Variants in USP45 observed in about 807,000 individuals in gnomAD.
USP45 encodes ubiquitin carboxyl-terminal hydrolase 45.
A neutral mutation model predicts 95.8 loss-of-function variants in USP45; 89 were observed. The observed-to-expected ratio is 0.93, with a 90% CI of 0.78 to 1.11. USP45 has a LOEUF of 1.11. Ranked by LOEUF, USP45 falls within the 50% of genes least tolerant of loss-of-function variation. The pLI is 0.00. For missense variants in USP45, 898 were observed against 942.5 expected, an observed-to-expected ratio of 0.95 and a Z score of 0.62; for synonymous variants, 281 against 316.2, an observed-to-expected ratio of 0.89 and a Z score of 1.18.
At chr6:99,482,022 C>T (rs1370652914) in intron 8 of USP45, among the ~76,000 whole-genome samples, 3 of 152,150 alleles carry the variant, frequency 2.0e-5, no homozygotes, top group Non-Finnish European at 2.9e-5. Context: ...GCATTCATTA[C>T]TAGTTTTAAT....
intron 7 of USP45, among the ~76,000 whole-genome samples, chr6:99,484,721 G>GC (rs1318332557): frequency 1.3e-5 from 2 of 150,998 alleles, no homozygotes; most frequent in Non-Finnish European, 2.9e-5. Flanking sequence ...GATCCCTTAA[G>GC]CCCAGGCTGC....
intron 14 of USP45, among the ~76,000 whole-genome samples, chr6:99,444,602 C>G (rs570668077): frequency 7.9e-5 from 12 of 152,142 alleles, no homozygotes; most frequent in Non-Finnish European, 1.5e-4. Flanking sequence ...CTCTGGGACA[C>G]TATCCACTTG....
At chr6:99,491,647 C>G (rs978906346) in intron 5 of USP45, among the ~76,000 whole-genome samples, 5 of 152,134 alleles carry the variant, frequency 3.3e-5, no homozygotes, top group Non-Finnish European at 7.3e-5. Flanking sequence ...CACCTAAATT[C>G]TCTTCAGTGA....
At chr6:99,461,102 G>C in intron 13 of USP45, 1 of 984,406 alleles carries the variant, frequency 1.0e-6, no homozygotes, top group Non-Finnish European at 1.2e-6. Context: ...AAGGTTTTAT[G>C]AAATAAAAAA....
chr6:99,473,664 A>AC (rs1790023796), intron 9 of USP45, among the ~76,000 whole-genome samples: 1 of 152,018 alleles, frequency 6.6e-6, no homozygotes, highest in African/African-American at 2.4e-5. Context: ...CTGAGGCAGG[A>AC]GAATCACTTG....
chr6:99,468,555 T>C lies in USP45; in HGVS notation c.997A>G (p.Thr333Ala). Residue 333 changes from threonine (T) to alanine (A), a missense_variant, in exon 10 of 18, where the codon ACT becomes GCT. Thr to Ala is a moderately conservative substitution (Grantham distance 58). Transcript: ENST00000500704. Reference sequence around the variant, plus strand: ...AACATACCTTTGACTTTTTTTCTAGTTTCATCATCAGCAGTTTTAGTAGTT... The same window carrying C: ...AACATACCTTTGACTTTTTTTCTAGCTTCATCATCAGCAGTTTTAGTAGTT... The part of the protein sequence containing the change: ...NPTTKTADDE[T>A]RKKVKAYGKE... 2 of 1,606,916 alleles carry C rather than the reference T, an allele frequency of 1.2e-6. No individual in the cohort carries two copies. Among genetic ancestry groups the C allele is most frequent in the Non-Finnish European group, 1.7e-6 (2 of 1,175,604 alleles).
In USP45 at chr6:99,446,159, G is replaced by A. The variant is rs111747277; in HGVS notation, c.1613C>T (p.Ser538Leu). The change falls in exon 14 of 18, where the codon TCA (serine) becomes TTA (leucine). Residue 538 changes from serine to leucine, a missense_variant. Physicochemically the swap from Ser to Leu is moderately radical, Grantham distance 145. Transcript: ENST00000500704. ...CTTGGTGTACAGCAGTTTACCTGCT[G>A]ACAGAGGGTAAAGGGGTCCATCTGG... is the stretch of plus-strand genomic sequence containing the variant. The part of the protein sequence containing the change: ...VQPDGPLYPL[S>L]AGKLLYTKET... The A allele has an allele frequency of 2.2e-5, 36 of 1,614,050 alleles. No homozygotes were observed. The Admixed American group carries it at 3.7e-4, about 16-fold the overall frequency.
intron 1 of USP45, among the ~76,000 whole-genome samples, chr6:99,514,236 C>T (rs1800601061): frequency 6.6e-6 from 1 of 152,108 alleles, no homozygotes; most frequent in Non-Finnish European, 1.5e-5. Context: ...CGTGTAGGCT[C>T]CTTATGCGGT....
chr6:99,437,488 A>G (rs1780727674), intron 16 of USP45, 89 bp from the exon 17 acceptor site: 3 of 1,271,414 alleles, frequency 2.4e-6, no homozygotes, highest in Non-Finnish European at 3.2e-6. Flanking sequence ...TGCTTAACAT[A>G]AGAAAAATGC....
chr6:99,482,912 G>C (rs1792783743), intron 7 of USP45, 29 bp from the exon 8 acceptor site: 3 of 1,426,652 alleles, frequency 2.1e-6, no homozygotes, highest in Non-Finnish European at 2.8e-6. Context: ...CTCTATGTCA[G>C]AAATGTACAA....
At chr6:99,516,583 A>G (rs1406515873), upstream of USP45, among the ~76,000 whole-genome samples, 1 of 152,236 alleles carries the variant, frequency 6.6e-6, no homozygotes, top group Non-Finnish European at 1.5e-5. Context: ...ATAATTGAGC[A>G]CAGATATGCC....
intron 14 of USP45, among the ~76,000 whole-genome samples, chr6:99,444,841 C>T (rs752187574): frequency 6.6e-6 from 1 of 152,180 alleles, no homozygotes; most frequent in Non-Finnish European, 1.5e-5. Flanking sequence ...TGGTGGGCCC[C>T]CACTTCTTGG....
chr6:99,504,778 G>A (rs1474043614), intron 4 of USP45, among the ~76,000 whole-genome samples: 1 of 152,184 alleles, frequency 6.6e-6, no homozygotes, highest in Non-Finnish European at 1.5e-5. Flanking sequence ...CTGGTGAGAG[G>A]TGAGAGGACC....
At chr6:99,461,433 G>T in intron 13 of USP45, 2 of 985,308 alleles carry the variant, frequency 2.0e-6, no homozygotes, top group Non-Finnish European at 2.4e-6. Flanking sequence ...CTCTGTTTAC[G>T]TATCTGCCTC....
At chr6:99,466,221 T>C (rs1290148901) in intron 11 of USP45, among the ~76,000 whole-genome samples, 1 of 152,176 alleles carries the variant, frequency 6.6e-6, no homozygotes, top group Non-Finnish European at 1.5e-5. Context: ...GGTTTCACCA[T>C]GTTGGCCAGG....
At chr6:99,442,330 G>A (rs1781677912) in intron 15 of USP45, among the ~76,000 whole-genome samples, 1 of 152,154 alleles carries the variant, frequency 6.6e-6, no homozygotes, top group Admixed American at 6.5e-5. Context: ...TCTGTTCTCT[G>A]TGTCATTTCA....
intron 4 of USP45, 123 bp from the exon 5 acceptor site, chr6:99,503,988 G>A (rs1408517474): frequency 3.3e-6 from 2 of 603,590 alleles, no homozygotes; most frequent in South Asian, 2.5e-5. Context: ...AATACAAAGG[G>A]GAAGCCACCA....
intron 5 of USP45, among the ~76,000 whole-genome samples, chr6:99,494,471 AAACAAAACAACATAAAC>A (rs1171616124): frequency 6.6e-6 from 1 of 152,194 alleles, no homozygotes; most frequent in Non-Finnish European, 1.5e-5. Flanking sequence ...AGCAAAGCAA[AAACAAAACAACATAAAC>A]AACAAAACAA....
At chr6:99,477,392 C>T (rs181907720) in intron 8 of USP45, among the ~76,000 whole-genome samples, 34 of 152,262 alleles carry the variant, frequency 2.2e-4, no homozygotes, top group Non-Finnish European at 4.1e-4. Context: ...CAACCTCCGC[C>T]TCCTGGGTTC....
Sources: gnomAD v4.1 joint callset for allele counts (sites outside exome capture counted in the v4.1 genomes callset) on GRCh38, gnomAD v4.1.1 for gene constraint, MANE v1.5 for transcripts, NCBI Gene and HGNC (gene_info 2026-07-23, HGNC 2026-07-21) for gene names.